The following COMMD1 variants were observed in gnomAD, a reference collection of about 807,000 sequenced individuals.
The protein encoded by COMMD1 is copper metabolism domain containing 1.
COMMD1 carries 10 observed loss-of-function variants against 17.2 expected under a neutral mutation model. The ratio of observed to expected loss-of-function variants is 0.58; its 90% CI spans 0.36 to 0.99. The LOEUF is 0.99. Ranked by LOEUF, COMMD1 falls within the 50% of genes least tolerant of loss-of-function variation. The pLI is 0.01. For synonymous variants in COMMD1, 97 were observed against 91.6 expected (o/e 1.06, Z -0.34); for missense variants, 270 against 231.8 (o/e 1.17, Z -1.07).
At chr2:61,918,772 C>T (rs1670110966) in intron 1 of COMMD1, among the ~76,000 whole-genome samples, 1 of 152,052 alleles carries the variant, frequency 6.6e-6, no homozygotes, top group South Asian at 2.1e-4. Flanking sequence ...ATAAATGATG[C>T]AGTCTGGTGG....
At chr2:62,074,479 G>A (rs913726264) in intron 2 of COMMD1, among the ~76,000 whole-genome samples, 3 of 152,104 alleles carry the variant, frequency 2.0e-5, no homozygotes, top group Non-Finnish European at 4.4e-5. Context: ...ACACACTCGT[G>A]GTCACTTGGG....
chr2:61,909,493 A>T (rs895893739), intron 1 of COMMD1, among the ~76,000 whole-genome samples: 1 of 152,138 alleles, frequency 6.6e-6, no homozygotes, highest in Non-Finnish European at 1.5e-5. Context: ...AGAACATAGC[A>T]TGGGTGGGGT....
At chr2:61,940,876 G>T (rs998317264) in intron 1 of COMMD1, among the ~76,000 whole-genome samples, 19 of 151,614 alleles carry the variant, frequency 1.3e-4, no homozygotes, top group Non-Finnish European at 1.9e-4. Context: ...TATTAGTAGA[G>T]ATGGGGTTTC....
chr2:61,951,737 A>G (rs569125570), intron 1 of COMMD1, among the ~76,000 whole-genome samples: 7 of 152,314 alleles, frequency 4.6e-5, no homozygotes, highest in Admixed American at 3.9e-4. Context: ...ATGATAGCGA[A>G]CATATCTATC....
intron 1 of COMMD1, among the ~76,000 whole-genome samples, chr2:61,978,967 C>A (rs887373183): frequency 6.6e-6 from 1 of 152,136 alleles, no homozygotes; most frequent in Non-Finnish European, 1.5e-5. Flanking sequence ...TAGAAACAAT[C>A]AATTACACTC....
rs1391755359 is a variant in COMMD1 at position 61,970,807 on chromosome 2, T to G, written c.181-29894T>G. On this transcript the variant is annotated intron_variant, in intron 1 of 2. Coordinates refer to ENST00000311832, the MANE Select transcript of COMMD1 (RefSeq NM_152516.4). ...ATAAGATATTCTAGAAGTTATTTCC[T>G]TGACAATATTTTATCTAGTTTGTTA... 2.0e-5 allele frequency among the ~76,000 whole-genome samples: 3 copies of G among 152,372 alleles called. No individual in the cohort carries two copies. The East Asian group carries it at 5.8e-4, about 29-fold the overall frequency.
chr2:62,004,101 C>T (rs553795041), intron 2 of COMMD1, among the ~76,000 whole-genome samples: 1 of 151,936 alleles, frequency 6.6e-6, no homozygotes, highest in African/African-American at 2.4e-5. Flanking sequence ...TCACTTTAGC[C>T]TTGGTGACAG....
At chr2:61,954,000 A>T (rs1440937076) in intron 1 of COMMD1, among the ~76,000 whole-genome samples, 1 of 152,034 alleles carries the variant, frequency 6.6e-6, no homozygotes, top group Non-Finnish European at 1.5e-5. Flanking sequence ...TGGGCGAATA[A>T]CAGGGTCAGG....
chr2:61,923,673 C>T (rs1670252758), intron 1 of COMMD1, among the ~76,000 whole-genome samples: 1 of 152,154 alleles, frequency 6.6e-6, no homozygotes, highest in Non-Finnish European at 1.5e-5. Flanking sequence ...AGAATGCTGA[C>T]ACATATGGGC....
chr2:61,928,148 A>G (rs1670376087), intron 1 of COMMD1, among the ~76,000 whole-genome samples: 1 of 151,950 alleles, frequency 6.6e-6, no homozygotes, highest in African/African-American at 2.4e-5. Context: ...AAGCAATATA[A>G]AGCAGGGAGC....
At chr2:61,962,698 T>TGAACA (rs982822805) in intron 1 of COMMD1, among the ~76,000 whole-genome samples, 2 of 152,206 alleles carry the variant, frequency 1.3e-5, no homozygotes, top group African/African-American at 4.8e-5. Flanking sequence ...GAATCCCTGG[T>TGAACA]GAACAGTACT....
intron 1 of COMMD1, among the ~76,000 whole-genome samples, chr2:61,911,203 G>A (rs541788460): frequency 6.6e-6 from 1 of 150,554 alleles, no homozygotes; most frequent in South Asian, 2.1e-4. Flanking sequence ...GCTGGGCTCA[G>A]TGGCTCACGC....
intron 2 of COMMD1, among the ~76,000 whole-genome samples, chr2:62,064,755 A>G (rs928805522): frequency 2.6e-5 from 4 of 152,080 alleles, no homozygotes; most frequent in African/African-American, 7.2e-5. Flanking sequence ...ATTTATTTCA[A>G]AAGAGGTATT....
intron 1 of COMMD1, among the ~76,000 whole-genome samples, chr2:61,922,611 C>T (rs530912454): frequency 6.6e-5 from 10 of 152,234 alleles, no homozygotes; most frequent in South Asian, 2.1e-4. Flanking sequence ...CCACCATGCC[C>T]GGCCTAGGAT....
At chr2:62,130,647 G>A (rs756201601) in intron 2 of COMMD1, among the ~76,000 whole-genome samples, 17 of 152,100 alleles carry the variant, frequency 1.1e-4, no homozygotes, top group Non-Finnish European at 5.9e-5. Context: ...AGAAAATATA[G>A]GACTGTTGTT....
At chr2:61,972,593 C>T (rs1671679281) in intron 1 of COMMD1, among the ~76,000 whole-genome samples, 1 of 152,068 alleles carries the variant, frequency 6.6e-6, no homozygotes, top group South Asian at 2.1e-4. Flanking sequence ...TAGCACATAC[C>T]CTTGATATGG....
intron 1 of COMMD1, among the ~76,000 whole-genome samples, chr2:61,941,184 T>C (rs1670738429): frequency 6.6e-6 from 1 of 151,864 alleles, no homozygotes. Flanking sequence ...CTTGCCACCA[T>C]GTCTGGCTAA....
Position 61,972,374 on chromosome 2 carries a change from A to G in COMMD1, c.181-28327A>G, listed in dbSNP as rs575333308. Among the ~76,000 whole-genome samples, 176 of 152,290 alleles carry G rather than the reference A, an allele frequency of 1.2e-3. 1 individual carries two copies. The Middle Eastern group carries it at 0.017, about 15-fold the overall frequency. ...TTTAATATATTATAGACCTGTACAA[A>G]ATAATTTCAAATAATTTATGTAGAT... On this transcript the variant is annotated intron_variant, in intron 1 of 2. Transcript: ENST00000311832.
chr2:62,021,674 T>C (rs550965606), intron 2 of COMMD1, among the ~76,000 whole-genome samples: 1 of 152,340 alleles, frequency 6.6e-6, no homozygotes, highest in East Asian at 1.9e-4. Context: ...AATGTTTATA[T>C]CATTAGCTTT....
Sources: gnomAD v4.1 joint callset for allele counts (sites outside exome capture counted in the v4.1 genomes callset) on GRCh38, gnomAD v4.1.1 for gene constraint, MANE v1.5 for transcripts, NCBI Gene and HGNC (gene_info 2026-07-23, HGNC 2026-07-21) for gene names.